SERPINB6: variants seen among roughly 807,000 people sequenced by gnomAD.
SERPINB6 encodes serpin family B member 6.
A neutral mutation model predicts 26.1 loss-of-function variants in SERPINB6; 16 were observed. That is an observed-to-expected ratio of 0.61 (90% CI 0.42 to 0.93). SERPINB6 has a LOEUF of 0.93. Among genes scored for constraint, SERPINB6 ranks in the 40% least tolerant of loss-of-function variants. The pLI, the probability that SERPINB6 is intolerant of heterozygous loss-of-function variation, is 0.00. For missense variants in SERPINB6, 420 were observed against 478.0 expected (o/e 0.88, Z 1.13); for synonymous variants, 174 against 176.6 (o/e 0.99, Z 0.11).
chr6:2,953,257 G>A (rs2113166219), intron 4 of SERPINB6, 71 bp from the exon 5 acceptor site: 1 of 1,604,384 alleles, frequency 6.2e-7, no homozygotes, highest in East Asian at 2.2e-5. Context: ...GGAATCGGCT[G>A]GGGCCTTCTC....
chr6:2,966,256 T>C (rs1370946718), intron 1 of SERPINB6: 1 of 560,910 alleles, frequency 1.8e-6, no homozygotes, highest in Admixed American at 6.3e-5. Context: ...AGGCTCATCT[T>C]GTTTGCCTCA....
rs765798757 is a variant in SERPINB6, at chr6:2,948,333, C to T, written c.1096G>A (p.Gly366Arg). 93 of 1,613,962 alleles carry T rather than the reference C, an allele frequency of 5.8e-5. No individual in the cohort carries two copies. The highest frequency in any genetic ancestry group is 2.2e-4 in the East Asian group (10 of 44,894). The change falls in exon 7 of 7, where the codon GGG becomes AGG. Residue 366 changes from glycine (G) to arginine (R), a missense_variant. Physicochemically the swap from Gly to Arg is moderately radical, Grantham distance 125. Transcript: ENST00000380539. The surrounding 1 kb of genome is among the most constrained non-coding windows in gnomAD (Gnocchi z 5.0). ...LFFIQHSKTN[G>R]ILFCGRFSSP ...GAAAAGCGGCCGCAGAAGAGAATCC[C>T]GTTGGTCTTGCTGTGCTGGATGAAG...
intron 2 of SERPINB6, chr6:2,956,178 C>T (rs1770454832): frequency 6.3e-6 from 1 of 159,886 alleles, no homozygotes; most frequent in African/African-American, 2.4e-5. Flanking sequence ...TCCACAAACC[C>T]AGGCTCCTGA....
In SERPINB6 at chr6:2,955,528, A is replaced by T; in HGVS notation, c.308T>A (p.Leu103His). 6.2e-7 allele frequency: 1 copy of T among 1,614,242 alleles called. No homozygotes were observed. ...RLFGEKSCDF[L>H]SSFRDSCQKF... Reference sequence around the variant, plus strand: ...ATAAGAGCAAGTATGACTTACTGAGAGGAAATCACAAGACTTTTCCCCAAA... The same window carrying T: ...ATAAGAGCAAGTATGACTTACTGAGTGGAAATCACAAGACTTTTCCCCAAA... The change falls in exon 3 of 7, where the codon CTC (leucine) becomes CAC (histidine). Residue 103 changes from leucine to histidine, a missense_variant. By Grantham distance (99) the Leu-to-His change is moderately conservative (BLOSUM62 -3). Coordinates refer to ENST00000380539, the MANE Select transcript of SERPINB6 (RefSeq NM_004568.6).
chr6:2,970,593 G>C, intron 1 of SERPINB6: 5 of 1,217,720 alleles, frequency 4.1e-6, no homozygotes, highest in Non-Finnish European at 5.1e-6. Flanking sequence ...TTAGGCACGA[G>C]AGCATCCCAG....
chr6:2,959,579 C>A, intron 1 of SERPINB6: 1 of 535,130 alleles, frequency 1.9e-6, no homozygotes, highest in South Asian at 2.0e-5. Flanking sequence ...AGGACTCCTC[C>A]CTGCACGCCT....
At chr6:2,961,893 C>G (rs532001805) in intron 1 of SERPINB6, 12 of 984,986 alleles carry the variant, frequency 1.2e-5, no homozygotes, top group Admixed American at 6.2e-5. Context: ...AGGACTCTTA[C>G]GCTTTTTTTT....
Position 2,968,617 on chromosome 6 carries a change from C to T in SERPINB6, c.-11+2916G>A, listed in dbSNP as rs548373482. On this transcript the variant is annotated intron_variant, in intron 1 of 6. Coordinates refer to ENST00000380539, the MANE Select transcript of SERPINB6 (RefSeq NM_004568.6). ...AGTTTATTGAGTCTTCCGTTCCCTG[C>T]GCTGCCTATCTCTGGGGTCCTTTTG... 2.1e-5 allele frequency: 26 copies of T among 1,219,886 alleles called. No individual in the cohort carries two copies. The East Asian group carries it at 2.6e-4, about 12-fold the overall frequency. The allele number at this position is 1,219,886 out of a possible 1,614,324, so 75.6% of individuals were successfully genotyped here.
At position 2,968,464 on chromosome 6, in the gene SERPINB6, TA is replaced by T. The variant is rs5873849; in HGVS notation, c.-11+3068del. On this transcript the variant is annotated intron_variant, in intron 1 of 6. Transcript: ENST00000380539. The stretch of plus-strand genomic sequence containing the variant: ...GAACCTAAATAGAGGTTTAAAAGGT[TA>T]AAAAAAAAAAGAAGAAATCATATAA... The T allele has an allele frequency of 0.79, 703,345 of 887,352 alleles. 268,691 individuals carry two copies. Among genetic ancestry groups the T allele is most frequent in the African/African-American group, 0.89 (49,351 of 55,228 alleles). 55.0% of individuals were successfully genotyped at this position (887,352 alleles called of 1,614,324 possible). A position where few individuals can be genotyped will look rare whatever the true frequency, so the allele number is the denominator to read the frequency against.
At chr6:2,949,416 A>T (rs1769524659) in intron 5 of SERPINB6, among the ~76,000 whole-genome samples, 2 of 151,956 alleles carry the variant, frequency 1.3e-5, no homozygotes, top group South Asian at 4.2e-4. Flanking sequence ...CATAAAAGAA[A>T]CTCCCAGCGC....
At position 2,949,052 on chromosome 6, in the gene SERPINB6, C is replaced by T. The variant is rs1202680576; in HGVS notation, c.591G>A (p.Val197=). ...FKVSKNEEKP[V]QMMFKQSTFK... Reference sequence around the variant, plus strand: ...AAGTAGATTGCTTAAACATCATTTGCACAGGTTTCTCCTCATTCTACAAAG... The same window carrying T: ...AAGTAGATTGCTTAAACATCATTTGTACAGGTTTCTCCTCATTCTACAAAG... Residue 197 remains valine (V), a synonymous_variant, in exon 6 of 7, where the codon GTG becomes GTA. Coordinates refer to ENST00000380539, the MANE Select transcript of SERPINB6 (RefSeq NM_004568.6). The T allele has an allele frequency of 1.2e-6, 2 of 1,614,162 alleles. No homozygotes were observed. Among genetic ancestry groups the T allele is most frequent in the African/African-American group, 2.7e-5 (2 of 75,032 alleles).
intron 1 of SERPINB6, chr6:2,969,448 G>A: frequency 1.0e-6 from 1 of 967,396 alleles, no homozygotes; most frequent in Non-Finnish European, 1.2e-6. Flanking sequence ...AATAAAAAAT[G>A]ATATTTAATC....
intron 1 of SERPINB6, among the ~76,000 whole-genome samples, chr6:2,961,678 C>T (rs1355606126): frequency 1.3e-5 from 2 of 152,106 alleles, no homozygotes; most frequent in Non-Finnish European, 2.9e-5. Flanking sequence ...TTTCCCTGGC[C>T]TGGGGACATG....
chr6:2,949,690 T>C (rs1463416376), intron 5 of SERPINB6, among the ~76,000 whole-genome samples: 2 of 152,228 alleles, frequency 1.3e-5, no homozygotes, highest in Non-Finnish European at 2.9e-5. Flanking sequence ...ATGATTGTGA[T>C]TGTTCCCAGC....
chr6:2,948,968 G>A lies in SERPINB6; in HGVS notation c.675C>T (p.Gly225=). 1 of 1,614,182 alleles carries A rather than the reference G, an allele frequency of 6.2e-7. No individual in the cohort carries two copies. The highest frequency in any genetic ancestry group is 8.5e-7 in the Non-Finnish European group (1 of 1,180,030). ...FTQILVLPYV[G]KELNMIIMLP... Reference sequence around the variant, plus strand: ...GCATGATGATCATATTCAGTTCCTTGCCAACATATGGAAGCACCAAGATTT... The same window carrying A: ...GCATGATGATCATATTCAGTTCCTTACCAACATATGGAAGCACCAAGATTT... The change falls in exon 6 of 7, where the codon GGC becomes GGT. Residue 225 remains glycine (G), a synonymous_variant. Coordinates refer to ENST00000380539, the MANE Select transcript of SERPINB6 (RefSeq NM_004568.6). The surrounding 1 kb of genome is among the most constrained non-coding windows in gnomAD (Gnocchi z 5.0).
chr6:2,967,974 A>T lies in SERPINB6; in HGVS notation c.-11+3559T>A, dbSNP rs538079499. On this transcript the variant is annotated intron_variant, in intron 1 of 6. Transcript: ENST00000380539. This position sits in a 1 kb window ranked among gnomAD's most constrained non-coding sequence, Gnocchi z 4.3. ...ACCAGAGGAGAGAGGAATAGAAATC[A>T]TTCTCCCATAAAGATACACGCACGC... 1.7e-4 allele frequency: 25 copies of T among 150,924 alleles called. No homozygotes were observed. The highest frequency in any genetic ancestry group is 5.4e-4 in the African/African-American group (22 of 41,034). 9.3% of individuals were successfully genotyped at this position (150,924 alleles called of 1,614,324 possible). A position where few individuals can be genotyped will look rare whatever the true frequency, so the allele number is the denominator to read the frequency against.
chr6:2,954,557 G>A (rs781314584), intron 4 of SERPINB6, 35 bp downstream of exon 4: 2 of 1,467,550 alleles, frequency 1.4e-6, no homozygotes, highest in African/African-American at 2.8e-5. Flanking sequence ...GGATTAAGAG[G>A]TTATTACAAA....
intron 1 of SERPINB6, chr6:2,961,221 T>A (rs2045943982): frequency 6.6e-6 from 1 of 152,244 alleles, no homozygotes; most frequent in Non-Finnish European, 1.5e-5. Flanking sequence ...TTTAAATATT[T>A]TGTTTTCAAA....
chr6:2,953,084 T>C lies in SERPINB6; in HGVS notation c.533A>G (p.Asp178Gly), dbSNP rs1051056254. Residue 178 changes from aspartate (D) to glycine (G), a missense_variant, in exon 5 of 7, where the codon GAC (aspartate) becomes GGC (glycine). Asp to Gly is a moderately conservative substitution (Grantham distance 94, BLOSUM62 -1). Transcript: ENST00000380539. ...CAGTCTCTCCTCGGTGTTCTCCTTG[T>C]CAAACTGTTCATCCCAGTTTCCTCT... ...YFRGNWDEQF[D>G]KENTEERLFK... 6.2e-7 allele frequency: 1 copy of C among 1,614,260 alleles called. No individual in the cohort carries two copies. Among genetic ancestry groups the C allele is most frequent in the African/African-American group, 1.3e-5 (1 of 75,068 alleles).
Sources: gnomAD v4.1 joint callset for allele counts (sites outside exome capture counted in the v4.1 genomes callset) on GRCh38, gnomAD v4.1.1 for gene constraint, Gnocchi (gnomAD v3.1) non-coding constraint, MANE v1.5 for transcripts, NCBI Gene and HGNC (gene_info 2026-07-23, HGNC 2026-07-21) for gene names.